Variants in AGAP1 observed in about 807,000 individuals in gnomAD.
AGAP1 encodes arf-GAP with GTPase, ANK repeat and PH domain-containing protein 1.
Under a neutral mutation model 105.3 loss-of-function variants are expected in AGAP1, and 29 were observed. That is an observed-to-expected ratio of 0.28 (90% CI 0.21 to 0.38). The LOEUF is 0.38. Ranked by LOEUF, AGAP1 falls within the 10% of genes least tolerant of loss-of-function variation. The pLI is 1.00. For synonymous variants in AGAP1, 509 were observed against 485.9 expected, an observed-to-expected ratio of 1.05 and a Z score of -0.63; for missense variants, 998 against 1,165.1, an observed-to-expected ratio of 0.86 and a Z score of 2.09.
intron 12 of AGAP1, among the ~76,000 whole-genome samples, chr2:235,954,865 A>G (rs575907247): frequency 6.6e-6 from 1 of 152,196 alleles, no homozygotes; most frequent in South Asian, 2.1e-4. Flanking sequence ...AGACAGCCTG[A>G]CCAGGGCATG....
rs1376735356 is a variant in AGAP1 at position 235,691,795 on chromosome 2, G to GC, written c.164-17378dup. ...CATGTTGACCCCTGCACTCCTGCCCGCCCCCCATTCACCCACTAGGAGAAA... is the reference window on the plus strand; with the variant it reads ...CATGTTGACCCCTGCACTCCTGCCCGCCCCCCCATTCACCCACTAGGAGAAA... On this transcript the variant is annotated intron_variant, in intron 1 of 17. Coordinates refer to ENST00000304032, the MANE Select transcript of AGAP1 (RefSeq NM_001037131.3). The surrounding 1 kb of genome is among the most constrained non-coding windows in gnomAD (Gnocchi z 4.4). Among the ~76,000 whole-genome samples the GC allele has an allele frequency of 3.9e-5, 6 of 152,180 alleles. No individual in the cohort carries two copies. The highest frequency in any genetic ancestry group is 1.3e-4 in the Admixed American group (2 of 15,294).
intron 1 of AGAP1, among the ~76,000 whole-genome samples, chr2:235,544,545 G>A (rs891615793): frequency 1.3e-5 from 2 of 152,168 alleles, no homozygotes; most frequent in East Asian, 3.9e-4. Flanking sequence ...GGAGCCAGCC[G>A]GGCCGACCAC....
chr2:235,546,695 C>T (rs949781473), intron 1 of AGAP1, among the ~76,000 whole-genome samples: 2 of 152,058 alleles, frequency 1.3e-5, no homozygotes, highest in Non-Finnish European at 2.9e-5. Flanking sequence ...GTCTTCTCAC[C>T]GGCCGGTTTG....
At position 235,709,293 on chromosome 2, in the gene AGAP1, C is replaced by T. The variant is rs1950707578; in HGVS notation, c.222+56C>T. 3 of 1,570,086 alleles carry T rather than the reference C, an allele frequency of 1.9e-6. No homozygotes were observed. In the Admixed American group the frequency reaches 5.0e-5, roughly 26 times the overall value. On this transcript the variant is annotated intron_variant, in intron 2 of 17. Transcript: ENST00000304032. ...TGGGAAGGGAGGGGCTCTGTGCACA[C>T]CCAAGCCTGCATTCCCAGGCAACTG...
In AGAP1 at chr2:236,062,503, T is replaced by C. The variant is rs200728768; in HGVS notation, c.2114+13222T>C. On this transcript the variant is annotated intron_variant, in intron 16 of 17. Transcript: ENST00000304032. This position sits in a 1 kb window ranked among gnomAD's most constrained non-coding sequence, Gnocchi z 4.2. Reference sequence around the variant, plus strand: ...TCATGTATTTTTTTTAGAAACAGAATCTCACTCTATCACACAGGCTTGAAT... The same window carrying C: ...TCATGTATTTTTTTTAGAAACAGAACCTCACTCTATCACACAGGCTTGAAT... 6.6e-6 allele frequency among the ~76,000 whole-genome samples: 1 copy of C among 151,852 alleles called. No homozygotes were observed. The highest frequency in any genetic ancestry group is 1.9e-4 in the East Asian group (1 of 5,174).
chr2:235,605,282 C>A (rs914478865), intron 1 of AGAP1, among the ~76,000 whole-genome samples: 1 of 152,208 alleles, frequency 6.6e-6, no homozygotes, highest in African/African-American at 2.4e-5. Flanking sequence ...AGCTGTTTTG[C>A]ATTTCACGCC....
At chr2:235,613,389 G>C (rs1384947485) in intron 1 of AGAP1, among the ~76,000 whole-genome samples, 1 of 152,170 alleles carries the variant, frequency 6.6e-6, no homozygotes, top group Non-Finnish European at 1.5e-5. Flanking sequence ...AAGCAAATGG[G>C]TTCTATCTTA....
intron 1 of AGAP1, among the ~76,000 whole-genome samples, chr2:235,602,788 G>T: frequency 6.6e-6 from 1 of 152,238 alleles, no homozygotes; most frequent in South Asian, 2.1e-4. Flanking sequence ...TGCAACCTCC[G>T]CCTCCTGGGT....
rs1019077081 is a variant in AGAP1, at chr2:235,559,889, A to G, written c.163+65040A>G. Among the ~76,000 whole-genome samples, 9 of 152,036 alleles carry G rather than the reference A, an allele frequency of 5.9e-5. No individual in the cohort carries two copies. The highest frequency in any genetic ancestry group is 1.3e-4 in the Non-Finnish European group (9 of 68,008). ...GTTATTTATGGATTCTGGATACTAGACACTTATTAGATATATGATTTGCAA... is the reference window on the plus strand; with the variant it reads ...GTTATTTATGGATTCTGGATACTAGGCACTTATTAGATATATGATTTGCAA... On this transcript the variant is annotated intron_variant, in intron 1 of 17. Coordinates refer to ENST00000304032, the MANE Select transcript of AGAP1 (RefSeq NM_001037131.3). The surrounding 1 kb of genome is among the most constrained non-coding windows in gnomAD (Gnocchi z 5.7).
chr2:235,935,619 T>C lies in AGAP1; in HGVS notation c.1483+4696T>C, dbSNP rs959908013. ...TAGTGAGCCCGTGACCACCAACTTATAATCCTGGGTGAAAGAAATTGGTGT... is the reference window on the plus strand; with the variant it reads ...TAGTGAGCCCGTGACCACCAACTTACAATCCTGGGTGAAAGAAATTGGTGT... On this transcript the variant is annotated intron_variant, in intron 12 of 17. Coordinates refer to ENST00000304032, the MANE Select transcript of AGAP1 (RefSeq NM_001037131.3). Among the ~76,000 whole-genome samples the C allele has an allele frequency of 2.6e-5, 4 of 152,198 alleles. No individual in the cohort carries two copies. The East Asian group carries it at 5.8e-4, about 22-fold the overall frequency.
rs1442851715 is a variant in AGAP1, at chr2:236,036,899, A to G, written c.1800+184A>G. ...GCACTTTGTGTCTATACCATCATAC[A>G]TGAGTATTCCAGCCTGACCGTGCTT... On this transcript the variant is annotated intron_variant, in intron 14 of 17. Transcript: ENST00000304032. The surrounding 1 kb of genome is among the most constrained non-coding windows in gnomAD (Gnocchi z 5.7). Among the ~76,000 whole-genome samples, 1 of 152,210 alleles carries G rather than the reference A, an allele frequency of 6.6e-6. No homozygotes were observed. The highest frequency in any genetic ancestry group is 2.4e-5 in the African/African-American group (1 of 41,474).
chr2:235,793,076 G>T lies in AGAP1; in HGVS notation c.674-4683G>T, dbSNP rs1010861928. ...GGGTTCATGGAAGCCCGAGGAGGAT[G>T]CAGAAGAGGAAAGGAGGGAATGACG... On this transcript the variant is annotated intron_variant, in intron 6 of 17. Coordinates refer to ENST00000304032, the MANE Select transcript of AGAP1 (RefSeq NM_001037131.3). The surrounding 1 kb of genome is among the most constrained non-coding windows in gnomAD (Gnocchi z 5.3). Among the ~76,000 whole-genome samples, 3 of 152,304 alleles carry T rather than the reference G, an allele frequency of 2.0e-5. No individual in the cohort carries two copies. The highest frequency in any genetic ancestry group is 3.4e-3 in the Middle Eastern group (1 of 294).
chr2:235,849,823 C>T (rs1382087942), intron 9 of AGAP1, among the ~76,000 whole-genome samples: 8 of 152,234 alleles, frequency 5.3e-5, no homozygotes, highest in Non-Finnish European at 8.8e-5. Context: ...GGGAGGAAGA[C>T]GAGCATGGTC....
chr2:236,008,419 T>A (rs2056398096), intron 13 of AGAP1, among the ~76,000 whole-genome samples: 1 of 152,250 alleles, frequency 6.6e-6, no homozygotes, highest in South Asian at 2.1e-4. Context: ...ATTTCTCACG[T>A]TCATCTGACA....
At position 236,049,513 on chromosome 2, in the gene AGAP1, C is replaced by G. The variant is rs2057829785; in HGVS notation, c.2114+232C>G. ...GTTTTTAGGCCTGGGGATTTCTCTC[C>G]CCCCTCTTAGAAATGTATTAAGCTT... On this transcript the variant is annotated intron_variant, in intron 16 of 17. Transcript: ENST00000304032. 2.0e-5 allele frequency: 9 copies of G among 449,950 alleles called. No homozygotes were observed. In the East Asian group the frequency reaches 2.8e-4, roughly 14 times the overall value. 27.9% of individuals were successfully genotyped at this position (449,950 alleles called of 1,614,324 possible).
At chr2:235,847,893 C>A (rs1043404317) in intron 9 of AGAP1, among the ~76,000 whole-genome samples, 5 of 152,192 alleles carry the variant, frequency 3.3e-5, no homozygotes, top group African/African-American at 1.2e-4. Context: ...TACCAGGCGG[C>A]CTTGGAAGCC....
chr2:236,096,366 T>A lies in AGAP1; in HGVS notation c.2115-23826T>A, dbSNP rs2059191472. On this transcript the variant is annotated intron_variant, in intron 16 of 17. Coordinates refer to ENST00000304032, the MANE Select transcript of AGAP1 (RefSeq NM_001037131.3). This position sits in a 1 kb window ranked among gnomAD's most constrained non-coding sequence, Gnocchi z 4.4. ...AAATACAAAAATTAGCTGGGCATGG[T>A]GGTGTGCACCCATAATCCCAACTAC... is the stretch of plus-strand genomic sequence containing the variant. 6.6e-6 allele frequency among the ~76,000 whole-genome samples: 1 copy of A among 151,660 alleles called. No individual in the cohort carries two copies. The highest frequency in any genetic ancestry group is 1.5e-5 in the Non-Finnish European group (1 of 67,932).
At chr2:235,704,340 GGGAGCTTGTTAGAAATGCTGATTTGA>G (rs1349223247) in intron 1 of AGAP1, among the ~76,000 whole-genome samples, 2 of 152,234 alleles carry the variant, frequency 1.3e-5, no homozygotes, top group African/African-American at 4.8e-5. Context: ...AAGCTCTGCA[GGGAGCTTGTTAGAAATGCTGATTTGA>G]GGCCGGGCGT....
intron 1 of AGAP1, among the ~76,000 whole-genome samples, chr2:235,523,524 T>C (rs1039048841): frequency 1.3e-5 from 2 of 152,144 alleles, no homozygotes; most frequent in Non-Finnish European, 2.9e-5. Flanking sequence ...TGGTGCAGGT[T>C]CCTGTGCCCA....
Sources: gnomAD v4.1 joint callset for allele counts (sites outside exome capture counted in the v4.1 genomes callset) on GRCh38, gnomAD v4.1.1 for gene constraint, Gnocchi (gnomAD v3.1) non-coding constraint, MANE v1.5 for transcripts, NCBI Gene and HGNC (gene_info 2026-07-23, HGNC 2026-07-21) for gene names.